Variants in SH3TC1 observed in about 807,000 individuals in gnomAD.
SH3TC1 encodes the protein SH3 domain and tetratricopeptide repeat-containing protein 1.
SH3TC1 carries 135 observed loss-of-function variants against 117.3 expected under a neutral mutation model. The observed-to-expected ratio is 1.15, with a 90% confidence interval of 1.00 to 1.33. The LOEUF (loss-of-function observed/expected upper bound fraction) is 1.33, where lower values mean the gene tolerates loss of function less well. Ranked by LOEUF, SH3TC1 falls within the 40% of genes most tolerant of loss-of-function variation. The probability of loss-of-function intolerance (pLI) is 0.00; values close to 1 mark genes in which losing one functional copy is unlikely to be tolerated. For synonymous variants in SH3TC1, 898 were observed against 816.9 expected (o/e 1.10, Z -1.69); for missense variants, 2,092 against 1,794.3 (o/e 1.17, Z -3.00).
At chr4:8,234,032 CCATT>C (rs1358901981) in intron 14 of SH3TC1, among the ~76,000 whole-genome samples, 10 of 146,808 alleles carry the variant, frequency 6.8e-5, no homozygotes, top group African/African-American at 1.3e-4. Context: ...ATCCATCCAT[CCATT>C]CATCCATCAT....
intron 5 of SH3TC1, 116 bp downstream of exon 5, chr4:8,214,696 T>C: frequency 1.2e-6 from 1 of 842,230 alleles, no homozygotes; most frequent in Non-Finnish European, 1.9e-6. Context: ...ATTGATGTAT[T>C]GTTTTAAGAC....
intron 3 of SH3TC1, among the ~76,000 whole-genome samples, chr4:8,212,207 C>A (rs920075819): frequency 1.3e-5 from 2 of 151,960 alleles, no homozygotes; most frequent in Admixed American, 1.3e-4. Flanking sequence ...GTGCTTGTGG[C>A]GTGTTTGCTG....
chr4:8,205,366 G>A lies in SH3TC1; in HGVS notation c.172G>A (p.Asp58Asn), dbSNP rs371596254. ...PEEAKAPVRG[D>N]EAPPARVAGP... is the part of the protein sequence containing the mutation. ...GGAGGCCAAGGCGCCAGTGAGAGGCGGTGAGTTCATTCCACCCTCACCACC... is the reference window on the plus strand; with the variant it reads ...GGAGGCCAAGGCGCCAGTGAGAGGCAGTGAGTTCATTCCACCCTCACCACC... Residue 58 changes from aspartate to asparagine, a missense_variant and splice_region_variant, in exon 2 of 18, where the codon GAC becomes AAC. Transcript: ENST00000245105. This position sits in a 1 kb window ranked among gnomAD's most constrained non-coding sequence, Gnocchi z 5.4. 139 of 1,545,324 alleles carry A rather than the reference G, an allele frequency of 9.0e-5. No homozygotes were observed. The highest frequency in any genetic ancestry group is 3.0e-4 in the Admixed American group (15 of 50,484).
chr4:8,227,678 C>T lies in SH3TC1; in HGVS notation c.1984C>T (p.Gln662Ter), dbSNP rs1245217089. 1.3e-6 allele frequency: 2 copies of T among 1,541,170 alleles called. No homozygotes were observed. The highest frequency in any genetic ancestry group is 1.7e-6 in the Non-Finnish European group (2 of 1,143,734). ...GCGGGCGGTGGGTGGCCAGAGCCTG[C>T]AGGCCGAGGCCCGGGCCTGCTTCCT... ...LRRAVGGQSL[Q>*]AEARACFLLA... The change falls in exon 12 of 18, where the codon CAG becomes TAG. Residue 662 changes from glutamine (Q) to a stop codon, truncating the protein, a stop_gained. Transcript: ENST00000245105. LOFTEE classifies it high-confidence loss of function.
chr4:8,240,015 A>G (rs1432324458), intron 17 of SH3TC1, among the ~76,000 whole-genome samples: 1 of 151,980 alleles, frequency 6.6e-6, no homozygotes. Context: ...CCATCTTGAG[A>G]TGGTAAAGGG....
intron 1 of SH3TC1, among the ~76,000 whole-genome samples, chr4:8,188,604 G>A (rs1245681717): frequency 2.0e-5 from 3 of 152,236 alleles, no homozygotes; most frequent in African/African-American, 4.8e-5. Context: ...TACCTGGACC[G>A]CTACGCTACC....
chr4:8,210,443 C>A lies in SH3TC1; in HGVS notation c.247+621C>A, dbSNP rs1212321134. 6.6e-6 allele frequency among the ~76,000 whole-genome samples: 1 copy of A among 152,228 alleles called. No homozygotes were observed. The highest frequency in any genetic ancestry group is 2.4e-5 in the African/African-American group (1 of 41,472). On this transcript the variant is annotated intron_variant, in intron 3 of 17. Coordinates refer to ENST00000245105, the MANE Select transcript of SH3TC1 (RefSeq NM_018986.5). This position sits in a 1 kb window ranked among gnomAD's most constrained non-coding sequence, Gnocchi z 4.1. ...ACTGCTGGTGGCCACTCGGGATGAC[C>A]AGGACGCATTAGGCAATAGGACCGT...
chr4:8,193,498 C>A (rs1717475642), intron 1 of SH3TC1, among the ~76,000 whole-genome samples: 1 of 152,180 alleles, frequency 6.6e-6, no homozygotes, highest in Non-Finnish European at 1.5e-5. Flanking sequence ...CCTCTCCCTC[C>A]AAGTCTCAGC....
At chr4:8,226,956 T>C in intron 11 of SH3TC1, 24 bp from the exon 12 acceptor site, 1 of 1,512,978 alleles carries the variant, frequency 6.6e-7, no homozygotes, top group East Asian at 2.3e-5. Context: ...CTCTAATCTG[T>C]CTAGGTGTTT....
Position 8,240,939 on chromosome 4 carries a change from C to A in SH3TC1, c.3995C>A (p.Pro1332His). The change falls in exon 18 of 18, where the codon CCC becomes CAC. Residue 1332 changes from proline (P) to histidine (H), a missense_variant. Coordinates refer to ENST00000245105, the MANE Select transcript of SH3TC1 (RefSeq NM_018986.5). ...TGCGGGTGGGCCCCCTGGTTGGCCC[C>A]CAGCCACCCTCGCTGAGGACAGCAT... The part of the protein sequence containing the change: ...PLCGWAPWLA[P>H]SHPR The A allele has an allele frequency of 1.2e-6, 2 of 1,611,008 alleles. No individual in the cohort carries two copies. The highest frequency in any genetic ancestry group is 8.5e-7 in the Non-Finnish European group (1 of 1,179,972).
In SH3TC1 at chr4:8,183,054, G is replaced by A. The variant is rs567718074; in HGVS notation, c.-57+844G>A. On this transcript the variant is annotated intron_variant, in intron 1 of 16. Coordinates refer to the SH3TC1 transcript ENST00000508641. This position sits in a 1 kb window ranked among gnomAD's most constrained non-coding sequence, Gnocchi z 5.4. ...GAGGGCAGAGGAGAGGCTGCCCTGGGGGTGAGGGGGATCCATGGCCCCTGG... is the reference window on the plus strand; with the variant it reads ...GAGGGCAGAGGAGAGGCTGCCCTGGAGGTGAGGGGGATCCATGGCCCCTGG... Among the ~76,000 whole-genome samples the A allele has an allele frequency of 6.6e-6, 1 of 152,286 alleles. No homozygotes were observed. The highest frequency in any genetic ancestry group is 2.4e-5 in the African/African-American group (1 of 41,556).
At chr4:8,235,624 T>C in intron 15 of SH3TC1, 69 bp downstream of exon 15, 2 of 1,484,768 alleles carry the variant, frequency 1.3e-6, no homozygotes, top group Non-Finnish European at 1.8e-6. Context: ...GGCACAGGTG[T>C]GGCAGGGCAG....
chr4:8,236,739 C>T, intron 16 of SH3TC1: 1 of 328,778 alleles, frequency 3.0e-6, no homozygotes, highest in Admixed American at 4.7e-5. Context: ...ATGTGCCAGG[C>T]TGAGTGGCAC....
rs375451854 is a variant in SH3TC1, at chr4:8,227,224, G to A, written c.1530G>A (p.Gly510=). Residue 510 remains glycine (G), a synonymous_variant, in exon 12 of 18, where the codon GGG becomes GGA. Coordinates refer to ENST00000245105, the MANE Select transcript of SH3TC1 (RefSeq NM_018986.5). ...SSLLLFLNAP[G]YKASFRGLYD... is the part of the protein sequence containing the mutation. ...TGCTGCTGTTCCTGAACGCCCCTGG[G>A]TACAAGGCCAGCTTCCGTGGCCTGT... 1 of 1,575,948 alleles carries A rather than the reference G, an allele frequency of 6.3e-7. No homozygotes were observed. The highest frequency in any genetic ancestry group is 8.6e-7 in the Non-Finnish European group (1 of 1,159,020).
At chr4:8,213,556 G>A (rs756892123) in intron 4 of SH3TC1, among the ~76,000 whole-genome samples, 7 of 152,250 alleles carry the variant, frequency 4.6e-5, no homozygotes, top group Admixed American at 6.5e-5. Context: ...TGCTGGCTCC[G>A]GGTTTGAATC....
At chr4:8,212,951 G>A in intron 4 of SH3TC1, 123 bp downstream of exon 4, 1 of 1,319,010 alleles carries the variant, frequency 7.6e-7, no homozygotes, top group African/African-American at 1.5e-5. Flanking sequence ...GAGCCACTCA[G>A]GACAGTGGTG....
chr4:8,217,294 T>C, intron 7 of SH3TC1, 127 bp downstream of exon 7: 2 of 1,158,096 alleles, frequency 1.7e-6, no homozygotes, highest in Non-Finnish European at 1.2e-6. Flanking sequence ...GCCATGGCCT[T>C]GTTCTGCTGC....
chr4:8,227,286 G>A lies in SH3TC1; in HGVS notation c.1592G>A (p.Arg531His), dbSNP rs760018224. 2.0e-5 allele frequency: 32 copies of A among 1,607,334 alleles called. 1 individual carries two copies. The highest frequency in any genetic ancestry group is 1.5e-4 in the South Asian group (14 of 90,524). The change falls in exon 12 of 18, where the codon CGC becomes CAC. Residue 531 changes from arginine to histidine, a missense_variant. Transcript: ENST00000245105. ...CTGCCGTGGCTGAGCAGCGTGTTCC[G>A]CAGCTTCAGCGACGAGGAGGAGCTG... ...VALPWLSSVF[R>H]SFSDEEELTG...
In SH3TC1 at chr4:8,227,117, G is replaced by GTGAGC. The variant is rs762801310; in HGVS notation, c.1425_1429dup (p.Leu477Ter). 3 of 1,612,634 alleles carry GTGAGC rather than the reference G, an allele frequency of 1.9e-6. No individual in the cohort carries two copies. The Admixed American group carries it at 5.0e-5, about 27-fold the overall frequency. On this transcript the variant is annotated frameshift_variant, in exon 12 of 18. Coordinates refer to ENST00000245105, the MANE Select transcript of SH3TC1 (RefSeq NM_018986.5). LOFTEE classifies it high-confidence loss of function. ...GGGTCTCTGTGCGGCATCCAGCGACGTGAGCTTGCAGGACCCCGAGGAGCC... is the reference window on the plus strand; with the variant it reads ...GGGTCTCTGTGCGGCATCCAGCGACGTGAGCTGAGCTTGCAGGACCCCGAGGAGCC...
Sources: gnomAD v4.1 joint callset for allele counts (sites outside exome capture counted in the v4.1 genomes callset) on GRCh38, gnomAD v4.1.1 for gene constraint, Gnocchi (gnomAD v3.1) non-coding constraint, MANE v1.5 for transcripts, NCBI Gene and HGNC (gene_info 2026-07-23, HGNC 2026-07-21) for gene names.